EFNA5: variants seen among roughly 807,000 people sequenced by gnomAD.
EFNA5 encodes the protein ephrin-A5.
Under a neutral mutation model 22.9 loss-of-function variants are expected in EFNA5, and 5 were observed. The observed-to-expected ratio is 0.22, with a 90% CI of 0.11 to 0.46. The LOEUF (loss-of-function observed/expected upper bound fraction) is 0.46. EFNA5 is among the 20% of genes least tolerant of loss of function. EFNA5 has a pLI of 0.99. For missense variants in EFNA5, 237 were observed against 293.3 expected (o/e 0.81, Z 1.40); for synonymous variants, 113 against 112.2 (o/e 1.01, Z -0.04).
chr5:107,439,140 G>A (rs1455283616), intron 1 of EFNA5, among the ~76,000 whole-genome samples: 2 of 152,118 alleles, frequency 1.3e-5, no homozygotes, highest in African/African-American at 4.8e-5. Context: ...TTTTTTGGAA[G>A]TAATTAAGGT....
At chr5:107,553,054 T>C (rs1580526836) in intron 1 of EFNA5, among the ~76,000 whole-genome samples, 1 of 152,172 alleles carries the variant, frequency 6.6e-6, no homozygotes, top group South Asian at 2.1e-4. Context: ...GCTTTAGATA[T>C]AAATTTCCCC....
chr5:107,602,912 C>A (rs1219523358), intron 1 of EFNA5, among the ~76,000 whole-genome samples: 5 of 152,146 alleles, frequency 3.3e-5, no homozygotes, highest in Admixed American at 3.3e-4. Context: ...GCCCTAGATA[C>A]TGGCAGGAGG....
chr5:107,497,036 A>T (rs545791954), intron 1 of EFNA5, among the ~76,000 whole-genome samples: 1 of 152,312 alleles, frequency 6.6e-6, no homozygotes. Flanking sequence ...CAAAGTAGGC[A>T]CCTGTAGTTT....
intron 1 of EFNA5, among the ~76,000 whole-genome samples, chr5:107,629,886 G>A (rs776066339): frequency 5.3e-5 from 8 of 151,782 alleles, no homozygotes; most frequent in Admixed American, 2.0e-4. Context: ...GTGATACCCC[G>A]CTTCTACTAA....
At position 107,516,160 on chromosome 5, in the gene EFNA5, A is replaced by T. The variant is rs559437258; in HGVS notation, c.126-88651T>A. ...GCTAGGACCAAAAATGGGCACCACAATGCCTGGCTAGTTTTGTGTGTGTGT... is the reference window on the plus strand; with the variant it reads ...GCTAGGACCAAAAATGGGCACCACATTGCCTGGCTAGTTTTGTGTGTGTGT... On this transcript the variant is annotated intron_variant, in intron 1 of 4. Transcript: ENST00000333274. Among the ~76,000 whole-genome samples the T allele has an allele frequency of 3.5e-4, 46 of 130,124 alleles. No individual in the cohort carries two copies. The East Asian group carries it at 0.01, about 30-fold the overall frequency. The allele number at this position is 130,124 out of a possible 152,430, so 85.4% of individuals were successfully genotyped here.
chr5:107,547,756 A>T (rs1378088088), intron 1 of EFNA5, among the ~76,000 whole-genome samples: 2 of 152,208 alleles, frequency 1.3e-5, no homozygotes, highest in Non-Finnish European at 2.9e-5. Context: ...GAATGATTAC[A>T]AGAGGTGACT....
chr5:107,516,285 G>A lies in EFNA5; in HGVS notation c.126-88776C>T, dbSNP rs567914752. 2.4e-4 allele frequency among the ~76,000 whole-genome samples: 37 copies of A among 151,210 alleles called. 1 individual carries two copies. The South Asian group carries it at 2.5e-3, about 10-fold the overall frequency. ...AACCCTGGCCTTAAGCAATCCTCTCGCCTCGGCCTCCCAAAGTGCTGGGAT... is the reference window on the plus strand; with the variant it reads ...AACCCTGGCCTTAAGCAATCCTCTCACCTCGGCCTCCCAAAGTGCTGGGAT... On this transcript the variant is annotated intron_variant, in intron 1 of 4. Coordinates refer to ENST00000333274, the MANE Select transcript of EFNA5 (RefSeq NM_001962.3).
chr5:107,591,492 T>C (rs560881209), intron 1 of EFNA5, among the ~76,000 whole-genome samples: 3 of 152,028 alleles, frequency 2.0e-5, no homozygotes, highest in South Asian at 4.1e-4. Flanking sequence ...TCCCCTCATA[T>C]AGATGAAGGA....
intron 1 of EFNA5, among the ~76,000 whole-genome samples, chr5:107,663,229 A>G (rs1315530111): frequency 2.0e-5 from 3 of 152,106 alleles, no homozygotes; most frequent in African/African-American, 7.2e-5. Context: ...GGGGGGAAAA[A>G]AAACACGCTG....
In EFNA5 at chr5:107,513,448, A is replaced by G. The variant is rs149814037; in HGVS notation, c.126-85939T>C. Among the ~76,000 whole-genome samples the G allele has an allele frequency of 3.1e-3, 479 of 152,282 alleles. 2 individuals are homozygous for G. The highest frequency in any genetic ancestry group is 0.011 in the African/African-American group (462 of 41,560). ...GAATGGGTACTCTCCCACTGCAAAG[A>G]TGGGGAAATGAGTCAAAGTGTCTCA... On this transcript the variant is annotated intron_variant, in intron 1 of 4. Coordinates refer to ENST00000333274, the MANE Select transcript of EFNA5 (RefSeq NM_001962.3).
At chr5:107,631,657 A>C (rs1269758050) in intron 1 of EFNA5, among the ~76,000 whole-genome samples, 5 of 152,158 alleles carry the variant, frequency 3.3e-5, no homozygotes, top group Admixed American at 6.5e-5. Flanking sequence ...ATAAATATTT[A>C]TACCTTATTA....
At chr5:107,621,942 C>T (rs1424079205) in intron 1 of EFNA5, among the ~76,000 whole-genome samples, 2 of 151,938 alleles carry the variant, frequency 1.3e-5, no homozygotes, top group East Asian at 3.9e-4. Context: ...ATAATATTGT[C>T]CTCCTCTATT....
intron 1 of EFNA5, among the ~76,000 whole-genome samples, chr5:107,505,078 G>A (rs32006): frequency 0.2 from 29,906 of 151,878 alleles, 3,397 homozygotes; most frequent in African/African-American, 0.31. Flanking sequence ...GTAAAGAAAA[G>A]GTGCCTAACA....
At chr5:107,628,071 T>TA (rs1340520431) in intron 1 of EFNA5, among the ~76,000 whole-genome samples, 1 of 152,198 alleles carries the variant, frequency 6.6e-6, no homozygotes, top group Non-Finnish European at 1.5e-5. Context: ...GCACTTCACA[T>TA]ATAATAACTC....
intron 2 of EFNA5, among the ~76,000 whole-genome samples, chr5:107,414,842 AT>A (rs1303264838): frequency 6.6e-6 from 1 of 152,160 alleles, no homozygotes; most frequent in East Asian, 1.9e-4. Context: ...TCATGCAAAA[AT>A]CTCTATACCT....
In EFNA5 at chr5:107,559,618, C is replaced by T. The variant is rs112106919; in HGVS notation, c.125+110871G>A. 1.1e-3 allele frequency among the ~76,000 whole-genome samples: 175 copies of T among 152,298 alleles called. 1 individual carries two copies. The highest frequency in any genetic ancestry group is 0.01 in the Middle Eastern group (3 of 294). On this transcript the variant is annotated intron_variant, in intron 1 of 4. Transcript: ENST00000333274. Reference sequence around the variant, plus strand: ...TCACTACATACATGAAGTTTTAAGTCATATGCACAATCAAAAGAATATTTA... The same window carrying T: ...TCACTACATACATGAAGTTTTAAGTTATATGCACAATCAAAAGAATATTTA...
At chr5:107,603,160 T>G (rs1749640803) in intron 1 of EFNA5, among the ~76,000 whole-genome samples, 1 of 152,196 alleles carries the variant, frequency 6.6e-6, no homozygotes, top group African/African-American at 2.4e-5. Flanking sequence ...TTTAAAGGAT[T>G]AAGCAGATTT....
rs1306802336 is a variant in EFNA5 at position 107,405,891 on chromosome 5, T to A, written c.419-18120A>T. Among the ~76,000 whole-genome samples, 92 of 149,330 alleles carry A rather than the reference T, an allele frequency of 6.2e-4. 3 individuals carry two copies. The South Asian group carries it at 0.019, about 31-fold the overall frequency. Reference sequence around the variant, plus strand: ...CAAATACATATATTTGTATACATATTCTATGTATTTATATACATAGAATGT... The same window carrying A: ...CAAATACATATATTTGTATACATATACTATGTATTTATATACATAGAATGT... On this transcript the variant is annotated intron_variant, in intron 2 of 4. Transcript: ENST00000333274.
At chr5:107,532,323 G>A (rs182614714) in intron 1 of EFNA5, among the ~76,000 whole-genome samples, 39 of 152,298 alleles carry the variant, frequency 2.6e-4, no homozygotes, top group African/African-American at 8.9e-4. Context: ...CTGGCCCTGG[G>A]GCCATGACCT....
Sources: allele counts gnomAD v4.1 joint callset (sites outside exome capture counted in the v4.1 genomes callset), GRCh38; gene constraint gnomAD v4.1.1; transcripts MANE v1.5; gene names NCBI Gene and HGNC (gene_info 2026-07-23, HGNC 2026-07-21).